DST: variants seen among roughly 807,000 people sequenced by gnomAD.
DST encodes the protein bullous pemphigoid antigen.
A neutral mutation model predicts 875.2 loss-of-function variants in DST; 253 were observed. That is an observed-to-expected ratio of 0.29 (90% CI 0.26 to 0.32). The LOEUF is 0.32. Ranked by LOEUF, DST falls within the 10% of genes least tolerant of loss-of-function variation. The pLI, the probability that DST is intolerant of heterozygous loss-of-function variation, is 1.00. For missense variants in DST, 8,287 were observed against 9,111.6 expected, an observed-to-expected ratio of 0.91 and a Z score of 3.68; for synonymous variants, 3,124 against 3,197.1, an observed-to-expected ratio of 0.98 and a Z score of 0.77.
At chr6:56,646,673 T>C (rs2098944649) in intron 13 of DST, among the ~76,000 whole-genome samples, 3 of 152,110 alleles carry the variant, frequency 2.0e-5, no homozygotes, top group Non-Finnish European at 2.9e-5. Context: ...AATGTCCCAC[T>C]GGCAAATTTA....
intron 46 of DST, 121 bp from the exon 47 acceptor site, chr6:56,598,127 A>T: frequency 1.0e-6 from 1 of 969,056 alleles, no homozygotes; most frequent in South Asian, 3.4e-5. Flanking sequence ...AAACTGACAC[A>T]ATTGAAAACT....
At chr6:56,695,183 CCCT>C (rs2099256800) in intron 9 of DST, among the ~76,000 whole-genome samples, 3 of 150,420 alleles carry the variant, frequency 2.0e-5, no homozygotes, top group African/African-American at 7.4e-5. Context: ...TACCTCCTAC[CCCT>C]CCTCCTCCTT....
intron 9 of DST, among the ~76,000 whole-genome samples, chr6:56,696,870 A>T (rs1156295208): frequency 6.6e-6 from 1 of 152,086 alleles, no homozygotes; most frequent in Admixed American, 6.5e-5. Flanking sequence ...CTTTTCCCGC[A>T]GGCCTTCTCC....
chr6:56,568,560 C>T lies in DST; in HGVS notation c.13914G>A (p.Glu4638=). The change falls in exon 55 of 104, where the codon GAG becomes GAA. Residue 4638 remains glutamate, a synonymous_variant. Coordinates refer to ENST00000680361, the MANE Select transcript of DST (RefSeq NM_001374736.1). ...TCCCACTGTTGTTTACTTTCTGAAT[C>T]TCTGGTGTTTTTAAACTCCACTTTT... ...LQEKWSLKTP[E]IQKVNNSGIS... 1 of 1,611,462 alleles carries T rather than the reference C, an allele frequency of 6.2e-7. No homozygotes were observed. The highest frequency in any genetic ancestry group is 8.5e-7 in the Non-Finnish European group (1 of 1,178,840).
rs1163958374 is a variant in DST at position 56,593,717 on chromosome 6, T to G, written c.12672A>C (p.Glu4224Asp). Residue 4224 changes from glutamate to aspartate, a missense_variant, in exon 48 of 104, where the codon GAA becomes GAC. Transcript: ENST00000680361. ...TAGCATGATCCAACTTGCGCTGCAC[T>G]TCTCTGTGGGTTGCAGAAGTATCAA... ...GKVDTSATHR[E>D]VQRKLDHATD... The G allele has an allele frequency of 6.2e-7, 1 of 1,613,374 alleles. No homozygotes were observed.
At chr6:56,622,756 C>T (rs569323837) in intron 36 of DST, among the ~76,000 whole-genome samples, 51 of 152,166 alleles carry the variant, frequency 3.4e-4, no homozygotes, top group African/African-American at 1.1e-3. Flanking sequence ...CCTTTAATCA[C>T]GGTGATTAAT....
At chr6:56,638,872 TCTCATCACAA>T in intron 22 of DST, 1 of 254,932 alleles carries the variant, frequency 3.9e-6, no homozygotes, top group Non-Finnish European at 7.6e-6. Flanking sequence ...TCCTTCTTAT[TCTCATCACAA>T]CTCTATGGAT....
chr6:56,697,156 G>A lies in DST; in HGVS notation c.1047+2497C>T, dbSNP rs747006260. The stretch of plus-strand genomic sequence containing the variant: ...GTGTCTCTCAGTAGTCTACTGTTTC[G>A]TAATCTCTCAGGCTAAAAAGTTTTG... On this transcript the variant is annotated intron_variant, in intron 9 of 103. Coordinates refer to ENST00000680361, the MANE Select transcript of DST (RefSeq NM_001374736.1). Among the ~76,000 whole-genome samples, 12 of 151,916 alleles carry A rather than the reference G, an allele frequency of 7.9e-5. No individual in the cohort carries two copies. The South Asian group carries it at 1.5e-3, about 18-fold the overall frequency.
intron 15 of DST, among the ~76,000 whole-genome samples, chr6:56,645,044 C>T (rs139060735): frequency 0.031 from 4,708 of 152,288 alleles, 84 homozygotes; most frequent in Non-Finnish European, 0.041. Flanking sequence ...GCTCCTCATT[C>T]GCCTTCCACC....
intron 4 of DST, among the ~76,000 whole-genome samples, chr6:56,754,735 G>T (rs1390374156): frequency 6.6e-6 from 1 of 152,064 alleles, no homozygotes; most frequent in Non-Finnish European, 1.5e-5. Flanking sequence ...ATATTTTAGT[G>T]TGGTAAAATA....
chr6:56,864,484 T>G (rs1042985986), intron 3 of DST, among the ~76,000 whole-genome samples: 3 of 152,090 alleles, frequency 2.0e-5, no homozygotes, highest in Non-Finnish European at 4.4e-5. Flanking sequence ...ATAATTCACA[T>G]TTTACAGTTT....
chr6:56,871,514 G>A (rs913963513), intron 3 of DST: 2 of 1,435,002 alleles, frequency 1.4e-6, no homozygotes, highest in South Asian at 2.3e-5. Context: ...AGGGCTTAGA[G>A]GTAGATTCTC....
At chr6:56,615,211 C>A (rs941807565) in intron 36 of DST, 1 of 1,175,324 alleles carries the variant, frequency 8.5e-7, no homozygotes, top group Non-Finnish European at 1.1e-6. Context: ...GAAGAAATGA[C>A]ACTGTGAACT....
intron 4 of DST, among the ~76,000 whole-genome samples, chr6:56,842,727 G>T (rs1030937281): frequency 6.6e-6 from 1 of 152,086 alleles, no homozygotes; most frequent in Non-Finnish European, 1.5e-5. Context: ...AGAATAATCG[G>T]TATCCACCCT....
At chr6:56,480,234 C>G (rs1319473067) in intron 90 of DST, among the ~76,000 whole-genome samples, 2 of 152,196 alleles carry the variant, frequency 1.3e-5, no homozygotes, top group African/African-American at 4.8e-5. Context: ...CTTAAATTAT[C>G]ATTTTCCCAA....
At position 56,606,767 on chromosome 6, in the gene DST, C is replaced by G. The variant is rs755193655; in HGVS notation, c.7861G>C (p.Asp2621His). 5 of 1,613,336 alleles carry G rather than the reference C, an allele frequency of 3.1e-6. No homozygotes were observed. The Admixed American group carries it at 6.7e-5, about 22-fold the overall frequency. Residue 2621 changes from aspartate to histidine, a missense_variant, in exon 40 of 104, where the codon GAT becomes CAT. Asp to His is a moderately conservative substitution (Grantham distance 81, BLOSUM62 -1). This residue lies in a region of DST where 3,138 missense variants were observed against 3,116.6 expected (regional missense o/e 1.01). Coordinates refer to ENST00000680361, the MANE Select transcript of DST (RefSeq NM_001374736.1). ...DFYDTPLFED[D>H]DHDSLLLDGD... ...TCAAGAAGCAAAGAATCATGGTCAT[C>G]ATCTTCAAACAAGGGAGTATCATAA...
intron 10 of DST, among the ~76,000 whole-genome samples, chr6:56,652,438 GGCTCTCTACAA>G (rs2098981855): frequency 6.6e-6 from 1 of 152,178 alleles, no homozygotes; most frequent in African/African-American, 2.4e-5. Context: ...TACAAAGAAA[GGCTCTCTACAA>G]GCTCCACAAG....
chr6:56,939,153 G>A (rs1814919909), intron 2 of DST, among the ~76,000 whole-genome samples: 1 of 152,222 alleles, frequency 6.6e-6, no homozygotes, highest in Non-Finnish European at 1.5e-5. Context: ...CACCAAGTCT[G>A]AGAGTTGGCA....
intron 3 of DST, among the ~76,000 whole-genome samples, chr6:56,888,044 G>A (rs770980466): frequency 1.3e-5 from 2 of 150,430 alleles, no homozygotes; most frequent in African/African-American, 2.5e-5. Context: ...TCTGCCTCCC[G>A]GGTTCAAGCG....
Sources: gnomAD v4.1 joint callset for allele counts (sites outside exome capture counted in the v4.1 genomes callset) on GRCh38, gnomAD v4.1.1 for gene constraint, gnomAD v4.1.1 regional missense constraint, MANE v1.5 for transcripts, NCBI Gene and HGNC (gene_info 2026-07-23, HGNC 2026-07-21) for gene names.